TBCE: variants seen among roughly 807,000 people sequenced by gnomAD.
TBCE encodes tubulin-specific chaperone E.
Under a neutral mutation model 77.0 loss-of-function variants are expected in TBCE, and 53 were observed. The observed-to-expected ratio is 0.69, with a 90% confidence interval of 0.55 to 0.87. TBCE has a LOEUF of 0.87. TBCE is among the 40% of genes least tolerant of loss of function. TBCE has a pLI of 0.00. For synonymous variants in TBCE, 235 were observed against 241.3 expected (o/e 0.97, Z 0.24); for missense variants, 624 against 622.4 (o/e 1.00, Z -0.03).
intron 11 of TBCE, 26 bp downstream of exon 11, chr1:235,436,634 G>GCA: frequency 6.3e-7 from 1 of 1,592,520 alleles, no homozygotes; most frequent in Non-Finnish European, 8.6e-7. Context: ...AGTATGCCCA[G>GCA]CACACTGTTG....
intron 13 of TBCE, among the ~76,000 whole-genome samples, chr1:235,439,889 C>A (rs1221719882): frequency 6.6e-6 from 1 of 152,132 alleles, no homozygotes; most frequent in Admixed American, 6.6e-5. Context: ...GCAACCTCCA[C>A]CTCCTGGGTT....
intron 1 of TBCE, among the ~76,000 whole-genome samples, chr1:235,378,329 TC>T (rs1405296145): frequency 6.6e-6 from 1 of 152,108 alleles, no homozygotes; most frequent in Non-Finnish European, 1.5e-5. Context: ...CACATGATCC[TC>T]CCACTTCAGC....
At chr1:235,372,246 C>T (rs1013946922) in intron 1 of TBCE, among the ~76,000 whole-genome samples, 2 of 151,748 alleles carry the variant, frequency 1.3e-5, no homozygotes, top group Admixed American at 6.6e-5. Context: ...TTAGTTGCAA[C>T]GGGATTTCAC....
chr1:235,452,100 C>G lies in TBCE; in HGVS notation c.*3338C>G, dbSNP rs1023237796. On this transcript the variant is annotated 3_prime_UTR_variant, in exon 17 of 17. Coordinates refer to ENST00000642610, the MANE Select transcript of TBCE (RefSeq NM_003193.5). ...TGATCTTGGCTCACTGCAAGCTCTG[C>G]CCCCCGGGTTCATGCCATTCTCCTG... 1 of 152,032 alleles carries G rather than the reference C, an allele frequency of 6.6e-6. No homozygotes were observed. Among genetic ancestry groups the G allele is most frequent in the Non-Finnish European group, 1.5e-5 (1 of 68,052 alleles). 9.4% of individuals were successfully genotyped at this position (152,032 alleles called of 1,614,324 possible).
At position 235,405,320 on chromosome 1, in the gene TBCE, CTTTTTTTTTT is replaced by C. The variant is rs34897905; in HGVS notation, c.185+3743_185+3752del. ...CTGCCTGAGGGTAGTTTACAATTAA[CTTTTTTTTTT>C]TTTTTTTTTAATAAGTAGGAGTTTG... On this transcript the variant is annotated intron_variant, in intron 3 of 16. Coordinates refer to ENST00000642610, the MANE Select transcript of TBCE (RefSeq NM_003193.5). 1.4e-4 allele frequency among the ~76,000 whole-genome samples: 20 copies of C among 141,008 alleles called. No homozygotes were observed. In the East Asian group the frequency reaches 3.9e-3, roughly 28 times the overall value. The allele number at this position is 141,008 out of a possible 152,430, so 92.5% of individuals were successfully genotyped here. A position where few individuals can be genotyped will look rare whatever the true frequency, so the allele number is the denominator to read the frequency against.
At chr1:235,438,106 C>A (rs1458025404) in intron 12 of TBCE, among the ~76,000 whole-genome samples, 1 of 152,226 alleles carries the variant, frequency 6.6e-6, no homozygotes, top group African/African-American at 2.4e-5. Flanking sequence ...AGTGGGAAGT[C>A]CATGCCTTGT....
chr1:235,448,207 A>C (rs1408862035), intron 15 of TBCE, 142 bp from the exon 16 acceptor site: 3 of 719,968 alleles, frequency 4.2e-6, no homozygotes, highest in Non-Finnish European at 7.2e-6. Flanking sequence ...TAAGTAAGTA[A>C]GTAAGTCAGT....
chr1:235,407,730 A>G (rs1679535208), intron 3 of TBCE, among the ~76,000 whole-genome samples: 2 of 152,322 alleles, frequency 1.3e-5, no homozygotes, highest in South Asian at 4.1e-4. Context: ...GATTTATCCA[A>G]GATTTATGGC....
At chr1:235,440,202 C>T (rs1021890475) in intron 13 of TBCE, among the ~76,000 whole-genome samples, 3 of 151,966 alleles carry the variant, frequency 2.0e-5, no homozygotes, top group Non-Finnish European at 4.4e-5. Context: ...GATCTCCTGA[C>T]CTTGTGATCC....
intron 13 of TBCE, among the ~76,000 whole-genome samples, chr1:235,439,644 C>G (rs983146789): frequency 1.3e-5 from 2 of 150,958 alleles, no homozygotes; most frequent in Non-Finnish European, 3.0e-5. Flanking sequence ...CCCGCCACCA[C>G]GCCCGACTAA....
chr1:235,434,079 C>G, intron 7 of TBCE, 125 bp from the exon 8 acceptor site: 1 of 845,996 alleles, frequency 1.2e-6, no homozygotes, highest in East Asian at 2.4e-5. Flanking sequence ...GTCTTATGAA[C>G]TGTCCGTGAG....
intron 13 of TBCE, among the ~76,000 whole-genome samples, chr1:235,439,465 C>G (rs1681689409): frequency 6.6e-6 from 1 of 151,700 alleles, no homozygotes; most frequent in African/African-American, 2.4e-5. Flanking sequence ...CACTGTACTC[C>G]AGCCTGGGCG....
chr1:235,370,184 T>C (rs1455930258), intron 1 of TBCE, among the ~76,000 whole-genome samples: 1 of 152,094 alleles, frequency 6.6e-6, no homozygotes, highest in African/African-American at 2.4e-5. Flanking sequence ...TGGTTTATTA[T>C]GTTTTCTCTC....
At chr1:235,441,780 GT>G (rs1681894253) in intron 13 of TBCE, 33 bp from the exon 14 acceptor site, 1 of 1,600,918 alleles carries the variant, frequency 6.2e-7, no homozygotes, top group Non-Finnish European at 8.6e-7. Flanking sequence ...GTGGCCTTTG[GT>G]TTATCATTCA....
In TBCE at chr1:235,437,335, A is replaced by T; in HGVS notation, c.977A>T (p.Asn326Ile). Residue 326 changes from asparagine to isoleucine, a missense_variant, in exon 12 of 17, where the codon AAT becomes ATT. Physicochemically the swap from Asn to Ile is moderately radical, Grantham distance 149 (BLOSUM62 -3). Coordinates refer to ENST00000642610, the MANE Select transcript of TBCE (RefSeq NM_003193.5). ...DNQISQWSFF[N>I]ELEKLPSLRA... ...GCTGTGTTTCAGTGGTCGTTTTTCA[A>T]TGAGCTAGAGAAGTTACCAAGTCTA... 6.2e-7 allele frequency: 1 copy of T among 1,614,030 alleles called. No homozygotes were observed. Among genetic ancestry groups the T allele is most frequent in the South Asian group, 1.1e-5 (1 of 91,068 alleles).
chr1:235,387,382 T>A (rs1384424245), intron 2 of TBCE, among the ~76,000 whole-genome samples: 2 of 152,190 alleles, frequency 1.3e-5, no homozygotes, highest in African/African-American at 4.8e-5. Flanking sequence ...TTTTTGTTTG[T>A]CTGTGCCCTG....
chr1:235,431,892 G>A (rs1375536317), intron 7 of TBCE, among the ~76,000 whole-genome samples: 2 of 150,322 alleles, frequency 1.3e-5, no homozygotes, highest in African/African-American at 2.5e-5. Flanking sequence ...GGCTGGTCTC[G>A]AACTCCTGAC....
intron 4 of TBCE, among the ~76,000 whole-genome samples, chr1:235,418,083 T>C (rs1680203033): frequency 6.6e-6 from 1 of 152,166 alleles, no homozygotes; most frequent in African/African-American, 2.4e-5. Context: ...CCCCCGGCCA[T>C]GTATTTGTTC....
At chr1:235,392,940 C>T (rs1489177436) in intron 2 of TBCE, among the ~76,000 whole-genome samples, 2 of 151,426 alleles carry the variant, frequency 1.3e-5, no homozygotes, top group Non-Finnish European at 2.9e-5. Flanking sequence ...TGCTTGAGCC[C>T]ATAAGTTCAT....
Sources: allele counts gnomAD v4.1 joint callset (sites outside exome capture counted in the v4.1 genomes callset), GRCh38; gene constraint gnomAD v4.1.1; transcripts MANE v1.5; gene names NCBI Gene and HGNC (gene_info 2026-07-23, HGNC 2026-07-21).